Variants in NRG1 observed in about 807,000 individuals in gnomAD.
NRG1 encodes neuregulin 1, also known as pro-neuregulin-1, membrane-bound isoform.
NRG1 carries 18 observed loss-of-function variants against 63.8 expected under a neutral mutation model. The ratio of observed to expected loss-of-function variants is 0.28; its 90% CI spans 0.19 to 0.42. The LOEUF is 0.42. Ranked by LOEUF, NRG1 falls within the 10% of genes least tolerant of loss-of-function variation. NRG1 has a pLI of 1.00. For missense variants in NRG1, 762 were observed against 814.7 expected (o/e 0.94, Z 0.79); for synonymous variants, 302 against 301.3 (o/e 1.00, Z -0.02).
chr8:32,748,324 TACACGC>T (rs1827883975), intron 7 of NRG1, among the ~76,000 whole-genome samples: 1 of 128,964 alleles, frequency 7.8e-6, no homozygotes, highest in African/African-American at 2.9e-5. Context: ...TAGGCGCATG[TACACGC>T]GCGCGCGCGC....
chr8:32,390,273 G>A (rs1755241069), intron 1 of NRG1, among the ~76,000 whole-genome samples: 2 of 152,090 alleles, frequency 1.3e-5, no homozygotes, highest in South Asian at 4.1e-4. Flanking sequence ...TCTCATAGGT[G>A]GCAGTCTTTT....
Position 32,180,171 on chromosome 8 carries a change from T to C in NRG1, c.38-415657T>C, listed in dbSNP as rs565066493. Among the ~76,000 whole-genome samples the C allele has an allele frequency of 7.9e-5, 12 of 152,310 alleles. No individual in the cohort carries two copies. The South Asian group carries it at 2.5e-3, about 32-fold the overall frequency. ...TATATTGCTTCCAGATATTTTTGGA[T>C]TGGTGGTTTCTGCAATTCTCCCTAA... On this transcript the variant is annotated intron_variant, in intron 1 of 10. Transcript: ENST00000519301.
intron 1 of NRG1, among the ~76,000 whole-genome samples, chr8:31,871,723 T>C (rs1045653849): frequency 1.3e-5 from 2 of 152,180 alleles, no homozygotes; most frequent in African/African-American, 4.8e-5. Flanking sequence ...TAATAACTTG[T>C]TCTTTTTCCA....
chr8:32,606,082 A>G (rs1486890159), intron 3 of NRG1, among the ~76,000 whole-genome samples: 3 of 149,976 alleles, frequency 2.0e-5, no homozygotes, highest in East Asian at 3.9e-4. Context: ...CACAGAATAT[A>G]TGCATATTAT....
At chr8:31,700,583 T>G (rs145682339) in intron 1 of NRG1, among the ~76,000 whole-genome samples, 16 of 152,302 alleles carry the variant, frequency 1.1e-4, no homozygotes, top group African/African-American at 3.6e-4. Flanking sequence ...AGCCTGATTT[T>G]GGAAGGAATG....
At chr8:32,577,230 C>G (rs1839829802) in intron 1 of NRG1, among the ~76,000 whole-genome samples, 1 of 152,156 alleles carries the variant, frequency 6.6e-6, no homozygotes, top group Non-Finnish European at 1.5e-5. Context: ...CACTGATGGG[C>G]ACCTAGGTTG....
chr8:32,459,122 G>A (rs1013007105), intron 1 of NRG1, among the ~76,000 whole-genome samples: 2 of 152,224 alleles, frequency 1.3e-5, no homozygotes, highest in Non-Finnish European at 1.5e-5. Flanking sequence ...CTGTCCAGTC[G>A]GCATCTCCAA....
chr8:32,727,871 G>A, intron 5 of NRG1, 78 bp from the exon 6 acceptor site: 1 of 1,426,024 alleles, frequency 7.0e-7, no homozygotes, highest in Non-Finnish European at 9.7e-7. Context: ...CTTCCTTTTA[G>A]GATAATTTAA....
intron 1 of NRG1, among the ~76,000 whole-genome samples, chr8:32,407,264 GTA>G (rs1249898280): frequency 1.3e-4 from 14 of 105,202 alleles, no homozygotes; most frequent in African/African-American, 2.2e-4. Flanking sequence ...ATGTGTGTGT[GTA>G]TATATATATT....
rs200916004 is a variant in NRG1 at position 32,591,955 on chromosome 8, G to GA, written c.101-3865dup. ...CTGCACCTAATATAAAAGTTAAAAAGAAAAAAAAGAAAAAAGAACAGACTA... is the reference window on the plus strand; with the variant it reads ...CTGCACCTAATATAAAAGTTAAAAAGAAAAAAAAAGAAAAAAGAACAGACTA... On this transcript the variant is annotated intron_variant, in intron 1 of 11. Coordinates refer to ENST00000356819, the Ensembl canonical transcript of NRG1. Among the ~76,000 whole-genome samples the GA allele has an allele frequency of 4.6e-3, 694 of 150,818 alleles. 4 individuals carry two copies. Among genetic ancestry groups the GA allele is most frequent in the Non-Finnish European group, 7.5e-3 (505 of 67,652 alleles).
intron 5 of NRG1, among the ~76,000 whole-genome samples, chr8:32,642,944 A>G (rs1233255588): frequency 1.3e-5 from 2 of 152,204 alleles, no homozygotes; most frequent in Non-Finnish European, 2.9e-5. Context: ...AAGTAAATAA[A>G]AGTAAAGCAG....
At chr8:31,982,878 C>A (rs537330424) in intron 1 of NRG1, among the ~76,000 whole-genome samples, 8 of 152,152 alleles carry the variant, frequency 5.3e-5, no homozygotes, top group African/African-American at 1.7e-4. Context: ...TTATTTTGGG[C>A]ATGGCAATGT....
At chr8:32,276,144 C>T (rs1364055438) in intron 1 of NRG1, among the ~76,000 whole-genome samples, 1 of 152,136 alleles carries the variant, frequency 6.6e-6, no homozygotes, top group African/African-American at 2.4e-5. Context: ...AATTCATTCA[C>T]CCTATCTAGC....
chr8:31,913,157 TTATTTCAATA>T (rs1185681657), intron 1 of NRG1, among the ~76,000 whole-genome samples: 2 of 152,192 alleles, frequency 1.3e-5, no homozygotes, highest in African/African-American at 4.8e-5. Context: ...AATAGGTCCA[TTATTTCAATA>T]TAGGTTTGCC....
intron 1 of NRG1, among the ~76,000 whole-genome samples, chr8:32,487,531 G>A (rs1372160750): frequency 2.0e-5 from 3 of 152,250 alleles, no homozygotes; most frequent in African/African-American, 7.2e-5. Context: ...GGGTGGGCAA[G>A]TATCTTTGTA....
chr8:32,109,389 T>C (rs892767591), intron 1 of NRG1, among the ~76,000 whole-genome samples: 2 of 152,212 alleles, frequency 1.3e-5, no homozygotes, highest in Non-Finnish European at 2.9e-5. Flanking sequence ...TTATGAGAAC[T>C]AGACAAGACT....
At chr8:31,805,887 C>T (rs1822235738) in intron 1 of NRG1, among the ~76,000 whole-genome samples, 1 of 149,580 alleles carries the variant, frequency 6.7e-6, no homozygotes, top group East Asian at 2.0e-4. Context: ...GTATCGTGGA[C>T]GATAATAACT....
chr8:32,178,467 G>T (rs1004938510), intron 1 of NRG1, among the ~76,000 whole-genome samples: 2 of 152,122 alleles, frequency 1.3e-5, no homozygotes, highest in Admixed American at 1.3e-4. Flanking sequence ...AAAATTAGCT[G>T]GGTGTGGTGG....
At chr8:31,747,238 T>C (rs974334581) in intron 1 of NRG1, among the ~76,000 whole-genome samples, 4 of 151,954 alleles carry the variant, frequency 2.6e-5, no homozygotes, top group Non-Finnish European at 4.4e-5. Context: ...CATGATGTGA[T>C]TATTTCACAT....
Sources: allele counts gnomAD v4.1 joint callset (sites outside exome capture counted in the v4.1 genomes callset), GRCh38; gene constraint gnomAD v4.1.1; transcripts MANE v1.5; gene names NCBI Gene and HGNC (gene_info 2026-07-23, HGNC 2026-07-21).